The following LRFN5 variants were observed in gnomAD, a reference collection of about 807,000 sequenced individuals.
The protein encoded by LRFN5 is leucine-rich repeat and fibronectin type-III domain-containing protein 5.
In LRFN5, 24 loss-of-function variants were observed where a neutral mutation model predicts 45.6. The ratio of observed to expected loss-of-function variants is 0.53; its 90% CI spans 0.38 to 0.74. The LOEUF is 0.74. Ranked by LOEUF, LRFN5 falls within the 30% of genes least tolerant of loss-of-function variation. LRFN5 has a pLI of 0.00. For synonymous variants in LRFN5, 340 were observed against 313.8 expected, an observed-to-expected ratio of 1.08 and a Z score of -0.88; for missense variants, 776 against 861.5, an observed-to-expected ratio of 0.90 and a Z score of 1.24.
intron 2 of LRFN5, among the ~76,000 whole-genome samples, chr14:41,882,431 G>A (rs180929200): frequency 6.6e-6 from 1 of 152,194 alleles, no homozygotes; most frequent in African/African-American, 2.4e-5. Context: ...ATCCCTGAGG[G>A]ACTGTATTTT....
intron 2 of LRFN5, among the ~76,000 whole-genome samples, chr14:41,769,104 C>T (rs1257679357): frequency 6.7e-6 from 1 of 149,348 alleles, no homozygotes; most frequent in Non-Finnish European, 1.5e-5. Flanking sequence ...AGAAAGTAAA[C>T]ACGTTCCTAA....
intron 1 of LRFN5, among the ~76,000 whole-genome samples, chr14:41,761,485 C>T (rs72668818): frequency 0.13 from 19,823 of 152,072 alleles, 1,536 homozygotes; most frequent in Non-Finnish European, 0.18. Context: ...ATTAGTGTGA[C>T]CATACTATCT....
chr14:41,727,733 C>A (rs960562788), intron 1 of LRFN5, among the ~76,000 whole-genome samples: 1 of 151,874 alleles, frequency 6.6e-6, no homozygotes, highest in African/African-American at 2.4e-5. Context: ...TAAATAGAAA[C>A]AATTTCAACA....
At chr14:41,699,653 T>C (rs1882756905) in intron 1 of LRFN5, 1 of 152,126 alleles carries the variant, frequency 6.6e-6, no homozygotes, top group Non-Finnish European at 1.5e-5. Context: ...GCTTCACAAA[T>C]GCGTTTACTC....
intron 1 of LRFN5, among the ~76,000 whole-genome samples, chr14:41,752,616 T>C (rs1353610142): frequency 1.3e-5 from 2 of 152,208 alleles, no homozygotes; most frequent in Non-Finnish European, 2.9e-5. Context: ...GGGTTGTTTG[T>C]TTTTTTCTTG....
intron 1 of LRFN5, among the ~76,000 whole-genome samples, chr14:41,619,333 G>T (rs1888035004): frequency 6.6e-6 from 1 of 151,982 alleles, no homozygotes; most frequent in Non-Finnish European, 1.5e-5. Context: ...GTATAATGAG[G>T]TGCAGGGCAT....
chr14:41,833,654 T>C (rs1241676084), intron 2 of LRFN5, among the ~76,000 whole-genome samples: 1 of 152,246 alleles, frequency 6.6e-6, no homozygotes. Flanking sequence ...GAACATTTAG[T>C]GTACCTCTCT....
At chr14:41,720,708 A>G (rs1317699333) in intron 1 of LRFN5, among the ~76,000 whole-genome samples, 1 of 151,960 alleles carries the variant, frequency 6.6e-6, no homozygotes, top group African/African-American at 2.4e-5. Context: ...ACTATTTTAT[A>G]TTGATATATA....
intron 1 of LRFN5, among the ~76,000 whole-genome samples, chr14:41,640,393 C>T (rs1879520389): frequency 6.6e-6 from 1 of 152,020 alleles, no homozygotes; most frequent in Admixed American, 6.6e-5. Context: ...GTCAAAGAAC[C>T]ATATATTCGT....
chr14:41,609,358 T>C (rs1161356491), intron 1 of LRFN5, among the ~76,000 whole-genome samples: 2 of 151,376 alleles, frequency 1.3e-5, no homozygotes, highest in African/African-American at 4.9e-5. Context: ...TATCCCTGTA[T>C]AATAGATATT....
At chr14:41,684,774 G>C (rs938450526) in intron 1 of LRFN5, among the ~76,000 whole-genome samples, 6 of 152,130 alleles carry the variant, frequency 3.9e-5, no homozygotes, top group African/African-American at 1.2e-4. Context: ...CACAAGCGCA[G>C]GCAACCAAAG....
At chr14:41,839,312 G>A (rs572312073) in intron 2 of LRFN5, among the ~76,000 whole-genome samples, 1 of 146,486 alleles carries the variant, frequency 6.8e-6, no homozygotes, top group Non-Finnish European at 1.5e-5. Flanking sequence ...AACCATAAGA[G>A]TAGATTTTTT....
intron 2 of LRFN5, among the ~76,000 whole-genome samples, chr14:41,815,720 T>A (rs1460500293): frequency 6.6e-6 from 1 of 152,036 alleles, no homozygotes; most frequent in African/African-American, 2.4e-5. Context: ...CACTCCAGCC[T>A]GGGTGACAGA....
intron 1 of LRFN5, among the ~76,000 whole-genome samples, chr14:41,697,009 G>C (rs73297705): frequency 6.6e-6 from 1 of 151,830 alleles, no homozygotes; most frequent in Non-Finnish European, 1.5e-5. Context: ...CACAGTTTTT[G>C]TATCTTTCAA....
At chr14:41,892,032 A>G in intron 4 of LRFN5, 70 bp downstream of exon 4, 2 of 1,553,762 alleles carry the variant, frequency 1.3e-6, no homozygotes, top group Non-Finnish European at 8.6e-7. Flanking sequence ...GGAGAATTAA[A>G]GGAATACTAT....
At position 41,891,369 on chromosome 14, in the gene LRFN5, T is replaced by C. The variant is rs768146003; in HGVS notation, c.1505T>C (p.Val502Ala). ...DGITSLTATRVVGCIQFTTEQ... is the reference protein window; with the variant it reads ...DGITSLTATRAVGCIQFTTEQ... ...ATCACTTCCCTCACTGCCACAAGAG[T>C]CGTGGGTTGCATCCAGTTTACTACG... The change falls in exon 4 of 6, where the codon GTC becomes GCC. Residue 502 changes from valine (V) to alanine (A), a missense_variant. By Grantham distance (64) the Val-to-Ala change is moderately conservative. Coordinates refer to ENST00000298119, the MANE Select transcript of LRFN5 (RefSeq NM_152447.5). The C allele has an allele frequency of 6.2e-7, 1 of 1,613,884 alleles. No homozygotes were observed. Among genetic ancestry groups the C allele is most frequent in the South Asian group, 1.1e-5 (1 of 91,060 alleles).
At chr14:41,743,884 A>C (rs1473181349) in intron 1 of LRFN5, among the ~76,000 whole-genome samples, 2 of 152,178 alleles carry the variant, frequency 1.3e-5, no homozygotes, top group African/African-American at 4.8e-5. Flanking sequence ...AAAATGTACA[A>C]AGATATAATT....
intron 2 of LRFN5, among the ~76,000 whole-genome samples, chr14:41,876,704 T>C (rs1890202123): frequency 6.6e-6 from 1 of 152,084 alleles, no homozygotes; most frequent in African/African-American, 2.4e-5. Flanking sequence ...ACCTGCCCTC[T>C]CTTTCATCCT....
At chr14:41,674,444 A>C in intron 1 of LRFN5, among the ~76,000 whole-genome samples, 1 of 110,968 alleles carries the variant, frequency 9.0e-6, no homozygotes, top group Admixed American at 9.4e-5. Context: ...ACTTCCCAGT[A>C]GGGGCGGCCG....
Sources: gnomAD v4.1 joint callset for allele counts (sites outside exome capture counted in the v4.1 genomes callset) on GRCh38, gnomAD v4.1.1 for gene constraint, MANE v1.5 for transcripts, NCBI Gene and HGNC (gene_info 2026-07-23, HGNC 2026-07-21) for gene names.